FAM81B: variants seen among roughly 807,000 people sequenced by gnomAD.
The protein encoded by FAM81B is protein FAM81B.
A neutral mutation model predicts 58.7 loss-of-function variants in FAM81B; 60 were observed. The observed-to-expected ratio is 1.02, with a 90% CI of 0.83 to 1.27. The LOEUF (loss-of-function observed/expected upper bound fraction) is 1.27, where lower values mean the gene tolerates loss of function less well. FAM81B is among the 50% of genes most tolerant of loss of function. The probability of loss-of-function intolerance (pLI) is 0.00; values close to 1 mark genes in which losing one functional copy is unlikely to be tolerated. For synonymous variants in FAM81B, 189 were observed against 179.6 expected (o/e 1.05, Z -0.42); for missense variants, 491 against 522.0 (o/e 0.94, Z 0.58).
At chr5:95,414,608 C>G (rs941940042) in intron 4 of FAM81B, among the ~76,000 whole-genome samples, 10 of 152,200 alleles carry the variant, frequency 6.6e-5, no homozygotes, top group Non-Finnish European at 8.8e-5. Flanking sequence ...TTCTACCCTT[C>G]TTTCCTTCAC....
intron 5 of FAM81B, among the ~76,000 whole-genome samples, chr5:95,427,854 C>T (rs1044207811): frequency 2.3e-4 from 35 of 152,230 alleles, no homozygotes; most frequent in Admixed American, 1.3e-4. Flanking sequence ...AAGAGAGTCA[C>T]GGGTAACAGT....
intron 5 of FAM81B, among the ~76,000 whole-genome samples, chr5:95,422,455 C>T (rs890412809): frequency 2.0e-5 from 3 of 151,950 alleles, no homozygotes; most frequent in African/African-American, 2.4e-5. Context: ...CAAGATTCTG[C>T]AAAGAAGATA....
chr5:95,393,526 T>C (rs1252044881), intron 2 of FAM81B, among the ~76,000 whole-genome samples: 2 of 152,240 alleles, frequency 1.3e-5, no homozygotes, highest in African/African-American at 4.8e-5. Flanking sequence ...TACAAAGTTA[T>C]TGTGGGTTTG....
chr5:95,423,547 TAAAAA>T (rs70978187), intron 5 of FAM81B, among the ~76,000 whole-genome samples: 26,334 of 123,416 alleles, frequency 0.21, 2,486 homozygotes, highest in African/African-American at 0.23. Context: ...TGCATGTGGG[TAAAAA>T]AAAAAAAAAA....
At position 95,435,761 on chromosome 5, in the gene FAM81B, C is replaced by T. The variant is rs147036106; in HGVS notation, c.787-1039C>T. On this transcript the variant is annotated intron_variant, in intron 6 of 9. Coordinates refer to ENST00000283357, the MANE Select transcript of FAM81B (RefSeq NM_152548.3). ...GTGTTTTGCTTTAAGTAATATTTTA[C>T]CTAACATTAATATTGCTCTGCTGCT... Among the ~76,000 whole-genome samples the T allele has an allele frequency of 3.5e-3, 540 of 152,168 alleles. 3 individuals are homozygous for T. Among genetic ancestry groups the T allele is most frequent in the Middle Eastern group, 6.8e-3 (2 of 294 alleles).
intron 5 of FAM81B, among the ~76,000 whole-genome samples, chr5:95,421,584 T>C (rs1397932240): frequency 6.6e-6 from 1 of 151,820 alleles, no homozygotes; most frequent in Non-Finnish European, 1.5e-5. Context: ...TCGAACTTTA[T>C]GTAGAAGGTT....
chr5:95,440,307 A>G, intron 7 of FAM81B: 1 of 990,258 alleles, frequency 1.0e-6, no homozygotes, highest in Non-Finnish European at 1.6e-6. Flanking sequence ...TGACAATGCA[A>G]CTAAAAATGC....
chr5:95,423,840 T>G (rs1197917367), intron 5 of FAM81B, among the ~76,000 whole-genome samples: 1 of 152,168 alleles, frequency 6.6e-6, no homozygotes, highest in Non-Finnish European at 1.5e-5. Context: ...ACAGTCCTTC[T>G]CAGATTTAAA....
chr5:95,449,199 T>C (rs547553052), intron 9 of FAM81B, among the ~76,000 whole-genome samples: 246 of 152,238 alleles, frequency 1.6e-3, no homozygotes, highest in African/African-American at 5.8e-3. Flanking sequence ...CCAAATTTGG[T>C]CCTGTATAGA....
At chr5:95,442,212 T>C (rs1582829349) in intron 7 of FAM81B, among the ~76,000 whole-genome samples, 2 of 152,312 alleles carry the variant, frequency 1.3e-5, no homozygotes, top group East Asian at 3.9e-4. Context: ...AACTGTGTTT[T>C]AGAATATCCA....
chr5:95,409,970 C>T (rs190032832), intron 3 of FAM81B, among the ~76,000 whole-genome samples: 92 of 152,292 alleles, frequency 6.0e-4, no homozygotes, highest in African/African-American at 2.2e-3. Context: ...TTTCTCCTTC[C>T]TCTTTGCTAA....
Position 95,424,448 on chromosome 5 carries a change from T to TAA in FAM81B, c.656+4062_656+4063dup, listed in dbSNP as rs201540055. Among the ~76,000 whole-genome samples the TAA allele has an allele frequency of 1.2e-3, 168 of 134,508 alleles. 1 individual carries two copies. The highest frequency in any genetic ancestry group is 7.6e-3 in the East Asian group (36 of 4,720). 88.2% of individuals were successfully genotyped at this position (134,508 alleles called of 152,430 possible). The stretch of plus-strand genomic sequence containing the variant: ...AATTAAGAACAAAAGACAAAGAATT[T>TAA]AAAAAAAAAAAAAAAAAGGATTACT... On this transcript the variant is annotated intron_variant, in intron 5 of 9. Transcript: ENST00000283357.
intron 3 of FAM81B, among the ~76,000 whole-genome samples, chr5:95,399,583 G>T (rs1353548153): frequency 6.6e-6 from 1 of 152,218 alleles, no homozygotes; most frequent in African/African-American, 2.4e-5. Flanking sequence ...AAGGGAAGGG[G>T]CTGCCCAAAT....
At chr5:95,404,387 C>G (rs1040995603) in intron 3 of FAM81B, among the ~76,000 whole-genome samples, 1 of 151,842 alleles carries the variant, frequency 6.6e-6, no homozygotes, top group African/African-American at 2.4e-5. Context: ...AACCCCTTGG[C>G]AAAGTTTTCT....
In FAM81B at chr5:95,443,778, C is replaced by G. The variant is rs555952806; in HGVS notation, c.894-2784C>G. Among the ~76,000 whole-genome samples the G allele has an allele frequency of 3.9e-5, 6 of 152,292 alleles. 1 individual carries two copies. The South Asian group carries it at 1.2e-3, about 32-fold the overall frequency. ...TGTTACCAGGAAAATTAATCCCCAG[C>G]TGAAAGCAAATCTTGTAATAAAAGG... is the stretch of plus-strand genomic sequence containing the variant. On this transcript the variant is annotated intron_variant, in intron 7 of 9. Transcript: ENST00000283357.
At chr5:95,409,858 T>A (rs1208714106) in intron 3 of FAM81B, among the ~76,000 whole-genome samples, 2 of 152,230 alleles carry the variant, frequency 1.3e-5, no homozygotes, top group Non-Finnish European at 2.9e-5. Flanking sequence ...AAACTTCTTA[T>A]TTTTTAAATT....
intron 6 of FAM81B, among the ~76,000 whole-genome samples, chr5:95,431,842 A>C (rs1223014306): frequency 6.6e-6 from 1 of 152,022 alleles, no homozygotes; most frequent in African/African-American, 2.4e-5. Context: ...GTAAGTTTTT[A>C]GTTTCCCTTC....
At chr5:95,413,675 C>A (rs531689325) in intron 3 of FAM81B, among the ~76,000 whole-genome samples, 3 of 152,234 alleles carry the variant, frequency 2.0e-5, no homozygotes, top group African/African-American at 4.8e-5. Flanking sequence ...TATATAAAGG[C>A]GTCAGTCTTG....
At chr5:95,409,471 T>C (rs1762351353) in intron 3 of FAM81B, among the ~76,000 whole-genome samples, 9 of 108,440 alleles carry the variant, frequency 8.3e-5, no homozygotes, top group Non-Finnish European at 1.5e-4. Flanking sequence ...TCATCAGTTT[T>C]TAAAGAATTT....
Sources: allele counts gnomAD v4.1 joint callset (sites outside exome capture counted in the v4.1 genomes callset), GRCh38; gene constraint gnomAD v4.1.1; transcripts MANE v1.5; gene names NCBI Gene and HGNC (gene_info 2026-07-23, HGNC 2026-07-21).